Variants in ARFGEF2 observed in about 807,000 individuals in gnomAD.
ARFGEF2 encodes the protein ARF guanine nucleotide exchange factor 2.
A neutral mutation model predicts 219.9 loss-of-function variants in ARFGEF2; 74 were observed. That is an observed-to-expected ratio of 0.34 (90% confidence interval 0.28 to 0.41). ARFGEF2 has a LOEUF of 0.41. Among genes scored for constraint, ARFGEF2 ranks in the 10% least tolerant of loss-of-function variants. The pLI, the probability that ARFGEF2 is intolerant of heterozygous loss-of-function variation, is 1.00. For synonymous variants in ARFGEF2, 733 were observed against 799.2 expected (o/e 0.92, Z 1.40); for missense variants, 1,743 against 2,218.3 (o/e 0.79, Z 4.30).
At chr20:48,948,466 G>A (rs2091043395) in intron 3 of ARFGEF2, among the ~76,000 whole-genome samples, 1 of 152,148 alleles carries the variant, frequency 6.6e-6, no homozygotes, top group Non-Finnish European at 1.5e-5. Context: ...GGTCAGAGGT[G>A]ACTCTTTGGA....
chr20:49,024,477 G>A (rs908965483), intron 35 of ARFGEF2, among the ~76,000 whole-genome samples: 20 of 152,106 alleles, frequency 1.3e-4, no homozygotes, highest in Non-Finnish European at 2.4e-4. Context: ...TTTAGCGCCC[G>A]ATTACCATCC....
At chr20:48,933,786 G>GT (rs892809251) in intron 1 of ARFGEF2, among the ~76,000 whole-genome samples, 9 of 151,980 alleles carry the variant, frequency 5.9e-5, no homozygotes, top group Non-Finnish European at 1.2e-4. Flanking sequence ...ATGTGGGGCT[G>GT]TTTTTTATCA....
At chr20:48,994,386 G>C (rs1306555491) in intron 21 of ARFGEF2, 65 bp from the exon 22 acceptor site, 1 of 1,602,144 alleles carries the variant, frequency 6.2e-7, no homozygotes, top group Middle Eastern at 1.7e-4. Context: ...ACTAACTTAA[G>C]ATTACAGTGC....
At chr20:48,929,294 G>A (rs1200779602) in intron 1 of ARFGEF2, among the ~76,000 whole-genome samples, 1 of 152,218 alleles carries the variant, frequency 6.6e-6, no homozygotes, top group Admixed American at 6.5e-5. Flanking sequence ...GAGGAGAACA[G>A]CCTTCTTGTG....
At chr20:48,992,079 G>A (rs1037465627) in intron 21 of ARFGEF2, among the ~76,000 whole-genome samples, 2 of 152,176 alleles carry the variant, frequency 1.3e-5, no homozygotes, top group Admixed American at 6.5e-5. Context: ...AAATAAGGGA[G>A]GAGGGTTACC....
chr20:48,998,959 C>T (rs1600644415), intron 25 of ARFGEF2, among the ~76,000 whole-genome samples: 2 of 152,184 alleles, frequency 1.3e-5, no homozygotes, highest in Admixed American at 6.5e-5. Flanking sequence ...ATATTTGGGC[C>T]GGGCGTAGTG....
intron 37 of ARFGEF2, among the ~76,000 whole-genome samples, chr20:49,029,712 C>G (rs976716414): frequency 6.6e-6 from 1 of 151,816 alleles, no homozygotes; most frequent in Non-Finnish European, 1.5e-5. Flanking sequence ...CTGCCTCGGC[C>G]TCCTGAGTAG....
In ARFGEF2 at chr20:48,965,960, T is replaced by C; in HGVS notation, c.996T>C (p.Asp332=). ...CQECAIPPGV[D]ENSQTNGIAD... is the part of the protein sequence containing the mutation. Reference sequence around the variant, plus strand: ...AATGTGCTATTCCCCCAGGAGTTGATGAAAACTCACAGACCAACGGGATAG... The same window carrying C: ...AATGTGCTATTCCCCCAGGAGTTGACGAAAACTCACAGACCAACGGGATAG... Residue 332 remains aspartate, a synonymous_variant, in exon 8 of 39, where the codon GAT becomes GAC. Coordinates refer to ENST00000371917, the MANE Select transcript of ARFGEF2 (RefSeq NM_006420.3). 1 of 1,614,178 alleles carries C rather than the reference T, an allele frequency of 6.2e-7. No homozygotes were observed. Among genetic ancestry groups the C allele is most frequent in the East Asian group, 2.2e-5 (1 of 44,884 alleles).
intron 21 of ARFGEF2, among the ~76,000 whole-genome samples, chr20:48,993,934 A>C (rs1286842475): frequency 1.3e-5 from 2 of 152,194 alleles, no homozygotes; most frequent in African/African-American, 4.8e-5. Context: ...GAAACAAACA[A>C]ATAGATATAT....
chr20:48,924,774 T>G (rs2090866311), intron 1 of ARFGEF2, among the ~76,000 whole-genome samples: 1 of 151,388 alleles, frequency 6.6e-6, no homozygotes, highest in African/African-American at 2.4e-5. Context: ...AGGAGTGTAT[T>G]CTTTGGGACC....
chr20:48,992,863 C>G (rs2091364881), intron 21 of ARFGEF2, among the ~76,000 whole-genome samples: 1 of 152,044 alleles, frequency 6.6e-6, no homozygotes, highest in Non-Finnish European at 1.5e-5. Context: ...GGCAACATAG[C>G]AAGACCCCAT....
At chr20:48,995,737 C>G (rs1256577206) in intron 22 of ARFGEF2, 46 bp from the exon 23 acceptor site, 1 of 1,524,370 alleles carries the variant, frequency 6.6e-7, no homozygotes, top group Non-Finnish European at 9.1e-7. Flanking sequence ...GTTCTAAATA[C>G]TTGACTGTTT....
At chr20:48,969,710 A>G (rs1386032833) in intron 9 of ARFGEF2, among the ~76,000 whole-genome samples, 1 of 152,264 alleles carries the variant, frequency 6.6e-6, no homozygotes. Flanking sequence ...ATTTCTTTGT[A>G]GTAAACAAAC....
chr20:48,936,291 CG>C (rs1232329101), intron 1 of ARFGEF2, among the ~76,000 whole-genome samples: 7 of 126,164 alleles, frequency 5.5e-5, no homozygotes, highest in South Asian at 2.7e-4. Flanking sequence ...GCTGGCCAGG[CG>C]GGGGGCTGAC....
Position 49,010,291 on chromosome 20 carries a change from C to A in ARFGEF2, c.3644C>A (p.Ala1215Glu), listed in dbSNP as rs752023536. ...RCIAQMVNSQ[A>E]ANIRSGWKNI... ...ATTGCCCAGATGGTGAACTCCCAGGCGGCCAACATCCGCTCAGGTTGGAAG... is the reference window on the plus strand; with the variant it reads ...ATTGCCCAGATGGTGAACTCCCAGGAGGCCAACATCCGCTCAGGTTGGAAG... The change falls in exon 27 of 39, where the codon GCG (alanine) becomes GAG (glutamate). Residue 1215 changes from alanine to glutamate, a missense_variant. By Grantham distance (107) the Ala-to-Glu change is moderately radical (BLOSUM62 -1). Transcript: ENST00000371917. The A allele has an allele frequency of 1.2e-6, 2 of 1,614,136 alleles. No individual in the cohort carries two copies. Among genetic ancestry groups the A allele is most frequent in the Non-Finnish European group, 8.5e-7 (1 of 1,179,984 alleles).
chr20:49,006,391 A>G (rs1272687642), intron 26 of ARFGEF2, among the ~76,000 whole-genome samples: 2 of 152,242 alleles, frequency 1.3e-5, no homozygotes, highest in Non-Finnish European at 1.5e-5. Flanking sequence ...GGAGTTCATT[A>G]TATATTACTC....
chr20:49,003,542 T>C (rs1239460110), intron 25 of ARFGEF2, among the ~76,000 whole-genome samples: 2 of 151,554 alleles, frequency 1.3e-5, no homozygotes, highest in African/African-American at 4.8e-5. Flanking sequence ...GAGGTGGAGA[T>C]TGCAGTGAGC....
chr20:48,943,770 C>G (rs1288714751), intron 3 of ARFGEF2, among the ~76,000 whole-genome samples: 1 of 152,146 alleles, frequency 6.6e-6, no homozygotes, highest in Non-Finnish European at 1.5e-5. Context: ...AGTGGGCAGT[C>G]CACATCAATG....
In ARFGEF2 at chr20:49,033,119, C is replaced by A; in HGVS notation, c.5278C>A (p.Leu1760Ile). Reference protein sequence around the residue: ...ELRAVLRKFFLRIGVVYKIWI... With the variant: ...ELRAVLRKFFIRIGVVYKIWI... ...CCGAGCAGTTCTGCGGAAGTTCTTC[C>A]TACGGATAGGTGTTGTGTATAAGAT... The change falls in exon 39 of 39, where the codon CTA (leucine) becomes ATA (isoleucine). Residue 1760 changes from leucine (L) to isoleucine (I), a missense_variant. Leu to Ile is a conservative substitution (Grantham distance 5). Coordinates refer to ENST00000371917, the MANE Select transcript of ARFGEF2 (RefSeq NM_006420.3). 3 of 1,614,188 alleles carry A rather than the reference C, an allele frequency of 1.9e-6. No individual in the cohort carries two copies. The highest frequency in any genetic ancestry group is 2.5e-6 in the Non-Finnish European group (3 of 1,180,032).
Sources: gnomAD v4.1 joint callset for allele counts (sites outside exome capture counted in the v4.1 genomes callset) on GRCh38, gnomAD v4.1.1 for gene constraint, MANE v1.5 for transcripts, NCBI Gene and HGNC (gene_info 2026-07-23, HGNC 2026-07-21) for gene names.